TMEM131L: variants seen among roughly 807,000 people sequenced by gnomAD.
TMEM131L encodes the protein transmembrane 131 like.
A neutral mutation model predicts 192.2 loss-of-function variants in TMEM131L; 54 were observed. That is an observed-to-expected ratio of 0.28 (90% CI 0.23 to 0.35). TMEM131L has a LOEUF of 0.35. Among genes scored for constraint, TMEM131L ranks in the 10% least tolerant of loss-of-function variants. The pLI is 1.00. For synonymous variants in TMEM131L, 701 were observed against 704.9 expected (o/e 0.99, Z 0.09); for missense variants, 1,888 against 1,972.9 (o/e 0.96, Z 0.82).
At chr4:153,615,522 G>A (rs1275291468) in intron 26 of TMEM131L, among the ~76,000 whole-genome samples, 1 of 152,192 alleles carries the variant, frequency 6.6e-6, no homozygotes, top group Non-Finnish European at 1.5e-5. Flanking sequence ...CTGGCTGAGG[G>A]TGCAGGTATA....
At chr4:153,543,342 A>G (rs976629395) in intron 3 of TMEM131L, among the ~76,000 whole-genome samples, 2 of 152,034 alleles carry the variant, frequency 1.3e-5, no homozygotes, top group Non-Finnish European at 2.9e-5. Flanking sequence ...TCTGGGGAGA[A>G]GTATTTTTTA....
intron 3 of TMEM131L, among the ~76,000 whole-genome samples, chr4:153,528,999 A>G (rs938061248): frequency 3.7e-4 from 56 of 152,040 alleles, no homozygotes; most frequent in Admixed American, 2.6e-4. Flanking sequence ...GGTGGGATCC[A>G]GTGAGCTGAG....
intron 3 of TMEM131L, among the ~76,000 whole-genome samples, chr4:153,506,946 C>A (rs573774327): frequency 6.6e-6 from 1 of 151,794 alleles, no homozygotes; most frequent in African/African-American, 2.4e-5. Context: ...GGAATAAAAA[C>A]CTCCCCTGTA....
intron 7 of TMEM131L, among the ~76,000 whole-genome samples, chr4:153,574,470 A>C (rs1003929379): frequency 6.6e-6 from 1 of 152,208 alleles, no homozygotes; most frequent in Non-Finnish European, 1.5e-5. Context: ...TGTGGAAGGC[A>C]CCCAAGATAG....
At chr4:153,612,198 G>A (rs1732667653) in intron 25 of TMEM131L, 54 bp from the exon 26 acceptor site, 2 of 1,316,342 alleles carry the variant, frequency 1.5e-6, no homozygotes, top group Admixed American at 2.8e-5. Context: ...AAGAAGATGG[G>A]GAATGTGAGT....
chr4:153,611,259 G>A (rs558451023), intron 25 of TMEM131L, among the ~76,000 whole-genome samples: 5 of 152,166 alleles, frequency 3.3e-5, no homozygotes, highest in Non-Finnish European at 2.9e-5. Context: ...GTTTGTATCT[G>A]TTCTGTTTTC....
intron 30 of TMEM131L, 119 bp from the exon 31 acceptor site, chr4:153,627,486 A>C (rs1478425106): frequency 1.3e-5 from 9 of 687,924 alleles, no homozygotes; most frequent in Non-Finnish European, 2.3e-5. Flanking sequence ...TTTCTTCCCC[A>C]AGAAACTCTT....
intron 2 of TMEM131L, among the ~76,000 whole-genome samples, chr4:153,471,749 G>A (rs1731175602): frequency 6.6e-6 from 1 of 152,202 alleles, no homozygotes; most frequent in African/African-American, 2.4e-5. Context: ...AGGCAGGGCT[G>A]GGCAGGCTCA....
chr4:153,564,160 A>G (rs1268912288), intron 7 of TMEM131L, among the ~76,000 whole-genome samples: 1 of 151,816 alleles, frequency 6.6e-6, no homozygotes, highest in Non-Finnish European at 1.5e-5. Context: ...GTGGTGATGC[A>G]TGCCTGTAAT....
At position 153,600,379 on chromosome 4, in the gene TMEM131L, A is replaced by G. The variant is rs561446046; in HGVS notation, c.2266+1647A>G. Among the ~76,000 whole-genome samples, 3 of 151,736 alleles carry G rather than the reference A, an allele frequency of 2.0e-5. No homozygotes were observed. In the South Asian group the frequency reaches 6.2e-4, roughly 31 times the overall value. On this transcript the variant is annotated intron_variant, in intron 21 of 34. Transcript: ENST00000409959. Reference sequence around the variant, plus strand: ...GAGACCCTGTCTCAGAAAAAAAAAAAAAAACATCAAAAATAAAAATAACTG... The same window carrying G: ...GAGACCCTGTCTCAGAAAAAAAAAAGAAAACATCAAAAATAAAAATAACTG...
At chr4:153,468,721 G>A (rs1442018480) in intron 2 of TMEM131L, among the ~76,000 whole-genome samples, 1 of 152,052 alleles carries the variant, frequency 6.6e-6, no homozygotes, top group African/African-American at 2.4e-5. Context: ...GATGCCAGTG[G>A]CACTCACTGC....
Position 153,519,193 on chromosome 4 carries a change from T to G in TMEM131L, c.240-30880T>G, listed in dbSNP as rs147383140. Reference sequence around the variant, plus strand: ...GGGGTGTAGGCTGTGTGGGGTACTTTCTGTTCTTTACTTAGAGATTTGGTA... The same window carrying G: ...GGGGTGTAGGCTGTGTGGGGTACTTGCTGTTCTTTACTTAGAGATTTGGTA... On this transcript the variant is annotated intron_variant, in intron 3 of 34. Coordinates refer to ENST00000409959, the MANE Select transcript of TMEM131L (RefSeq NM_001131007.2). 1.4e-4 allele frequency among the ~76,000 whole-genome samples: 22 copies of G among 152,270 alleles called. No homozygotes were observed. The East Asian group carries it at 4.2e-3, about 29-fold the overall frequency.
rs1433586950 is a variant in TMEM131L at position 153,620,808 on chromosome 4, T to C, written c.3620T>C (p.Leu1207Ser). The change falls in exon 27 of 35, where the codon TTA (leucine) becomes TCA (serine). Residue 1207 changes from leucine to serine, a missense_variant. Leu to Ser is a moderately radical substitution (Grantham distance 145, BLOSUM62 -2). Coordinates refer to ENST00000409959, the MANE Select transcript of TMEM131L (RefSeq NM_001131007.2). ...CTTCAGGAGAAAAGAGAAGGAAATT[T>C]ACAAAATTTAAATTGGAGTAAAAGT... Reference protein sequence around the residue: ...KKLQEKREGNLQNLNWSKSRT... With the variant: ...KKLQEKREGNSQNLNWSKSRT... 1 of 1,593,190 alleles carries C rather than the reference T, an allele frequency of 6.3e-7. No homozygotes were observed.
chr4:153,594,908 G>A (rs13147188), intron 19 of TMEM131L, among the ~76,000 whole-genome samples: 40,532 of 152,004 alleles, frequency 0.27, 5,742 homozygotes, highest in Non-Finnish European at 0.33. Context: ...AAAATACTAA[G>A]TGATATCTTG....
intron 4 of TMEM131L, among the ~76,000 whole-genome samples, chr4:153,552,942 TGTG>T (rs1346194782): frequency 1.6e-5 from 2 of 123,628 alleles, no homozygotes; most frequent in African/African-American, 8.4e-5. Flanking sequence ...TGTTATTTTT[TGTG>T]TTTTTTTTTT....
chr4:153,517,282 C>G (rs1267523588), intron 3 of TMEM131L, among the ~76,000 whole-genome samples: 4 of 152,204 alleles, frequency 2.6e-5, no homozygotes, highest in African/African-American at 9.7e-5. Flanking sequence ...GTGCCGCCTC[C>G]AGACCTCTGC....
At chr4:153,469,599 G>A (rs1329786985) in intron 2 of TMEM131L, among the ~76,000 whole-genome samples, 1 of 152,140 alleles carries the variant, frequency 6.6e-6, no homozygotes, top group African/African-American at 2.4e-5. Context: ...TTTGTCAGTA[G>A]TAGATGAAAT....
chr4:153,467,082 C>T (rs549680987), intron 1 of TMEM131L, 129 bp from the exon 2 acceptor site: 12 of 894,780 alleles, frequency 1.3e-5, no homozygotes, highest in Admixed American at 4.1e-5. Flanking sequence ...CCTGGGATGG[C>T]CTCTGTTCCC....
Position 153,466,397 on chromosome 4 carries a change from C to G in TMEM131L, c.-1C>G, listed in dbSNP as rs779037233. On this transcript the variant is annotated 5_prime_UTR_variant, in exon 1 of 35. Transcript: ENST00000409959. ...CAACGGAGAGGAGCGCGAGCAGCAGCATGGCGGGGCTCCGACGCCCGCAGC... is the reference window on the plus strand; with the variant it reads ...CAACGGAGAGGAGCGCGAGCAGCAGGATGGCGGGGCTCCGACGCCCGCAGC... 1.7e-5 allele frequency: 23 copies of G among 1,332,980 alleles called. No individual in the cohort carries two copies. The South Asian group carries it at 4.0e-4, about 23-fold the overall frequency. The allele number at this position is 1,332,980 out of a possible 1,614,324, so 82.6% of individuals were successfully genotyped here.
Sources: gnomAD v4.1 joint callset for allele counts (sites outside exome capture counted in the v4.1 genomes callset) on GRCh38, gnomAD v4.1.1 for gene constraint, MANE v1.5 for transcripts, NCBI Gene and HGNC (gene_info 2026-07-23, HGNC 2026-07-21) for gene names.